PDK1: variants seen among roughly 807,000 people sequenced by gnomAD.
The protein encoded by PDK1 is [Pyruvate dehydrogenase (acetyl-transferring)] kinase isozyme 1, mitochondrial.
A neutral mutation model predicts 54.2 loss-of-function variants in PDK1; 39 were observed. The ratio of observed to expected loss-of-function variants is 0.72; its 90% CI spans 0.56 to 0.94. The LOEUF (loss-of-function observed/expected upper bound fraction) is 0.94. Ranked by LOEUF, PDK1 falls within the 40% of genes least tolerant of loss-of-function variation. PDK1 has a pLI of 0.00. For missense variants in PDK1, 552 were observed against 566.0 expected (o/e 0.98, Z 0.25); for synonymous variants, 221 against 207.1 (o/e 1.07, Z -0.58).
downstream of PDK1, among the ~76,000 whole-genome samples, chr2:172,613,386 A>G (rs1397773557): frequency 6.6e-6 from 1 of 152,236 alleles, no homozygotes; most frequent in African/African-American, 2.4e-5. Context: ...AGTACGCTCC[A>G]TGACTTTAGA....
the PDK1 span, among the ~76,000 whole-genome samples, chr2:172,705,110 A>T: frequency 6.6e-6 from 1 of 152,246 alleles, no homozygotes; most frequent in African/African-American, 2.4e-5. Flanking sequence ...GTTGTGAGTT[A>T]ATGGTTGATA....
chr2:172,694,753 CT>C, the PDK1 span, among the ~76,000 whole-genome samples: 1 of 152,148 alleles, frequency 6.6e-6, no homozygotes, highest in Admixed American at 6.5e-5. Flanking sequence ...TTTTATTAAT[CT>C]TTCTTAAATG....
upstream of PDK1, chr2:172,555,959 C>A (rs1398162217): frequency 1.5e-5 from 6 of 407,128 alleles, no homozygotes; most frequent in African/African-American, 4.2e-5. Context: ...CGCCCCTTTT[C>A]TCTCCCCGCC....
rs1016295511 is a variant in PDK1, at chr2:172,578,096, A to T, written c.945+7272A>T. Among the ~76,000 whole-genome samples, 6 of 152,156 alleles carry T rather than the reference A, an allele frequency of 3.9e-5. No individual in the cohort carries two copies. The South Asian group carries it at 1.0e-3, about 26-fold the overall frequency. On this transcript the variant is annotated intron_variant, in intron 8 of 10. Transcript: ENST00000282077. ...TTTTTGAAGGATAGTTTTGCTGGTTATAGAATTCTTGTTGATAGTCTTTTT... is the reference window on the plus strand; with the variant it reads ...TTTTTGAAGGATAGTTTTGCTGGTTTTAGAATTCTTGTTGATAGTCTTTTT...
chr2:172,719,891 A>G, the PDK1 span, among the ~76,000 whole-genome samples: 10 of 152,348 alleles, frequency 6.6e-5, no homozygotes, highest in East Asian at 1.9e-3. Flanking sequence ...ATCTCAGGAC[A>G]GTGGGTTACT....
chr2:172,668,928 G>GAGAA, the PDK1 span, among the ~76,000 whole-genome samples: 4 of 146,448 alleles, frequency 2.7e-5, no homozygotes, highest in African/African-American at 1.0e-4. Context: ...GAGAGAGAGA[G>GAGAA]AGAGAGAGAG....
the PDK1 span, among the ~76,000 whole-genome samples, chr2:172,697,741 A>G: frequency 6.6e-6 from 1 of 152,230 alleles, no homozygotes; most frequent in Admixed American, 6.5e-5. Flanking sequence ...AAATATGTGT[A>G]ATCCTTGTCT....
chr2:172,592,151 G>A (rs759207165), intron 9 of PDK1, among the ~76,000 whole-genome samples: 59 of 152,194 alleles, frequency 3.9e-4, no homozygotes, highest in Non-Finnish European at 6.8e-4. Flanking sequence ...CAGTGCTTCC[G>A]GGCTATGCCC....
At chr2:172,579,525 C>CTTT (rs10660737) in intron 8 of PDK1, among the ~76,000 whole-genome samples, 7,889 of 122,432 alleles carry the variant, frequency 0.064, 364 homozygotes, top group African/African-American at 0.096. Flanking sequence ...CCCGCTCTTT[C>CTTT]TTTTTTTTTT....
chr2:172,586,664 T>C (rs1574517399), intron 9 of PDK1, among the ~76,000 whole-genome samples: 1 of 152,180 alleles, frequency 6.6e-6, no homozygotes, highest in Non-Finnish European at 1.5e-5. Flanking sequence ...TTTTGAAATA[T>C]GGTTAACCAC....
the PDK1 span, among the ~76,000 whole-genome samples, chr2:172,681,784 A>C: frequency 3.3e-5 from 5 of 152,146 alleles, no homozygotes; most frequent in Non-Finnish European, 7.3e-5. Flanking sequence ...TTTTTTATGG[A>C]GTCTCAGTCT....
chr2:172,568,319 C>A (rs2149221661), intron 6 of PDK1, among the ~76,000 whole-genome samples: 1 of 121,134 alleles, frequency 8.3e-6, no homozygotes. Context: ...CAGAGCAAGA[C>A]TCCGTCTCAA....
chr2:172,627,412 C>T, the PDK1 span, among the ~76,000 whole-genome samples: 1 of 152,206 alleles, frequency 6.6e-6, no homozygotes, highest in Non-Finnish European at 1.5e-5. Context: ...GAATTATAAG[C>T]ATGCTTATGT....
the PDK1 span, among the ~76,000 whole-genome samples, chr2:172,712,010 A>G: frequency 2.6e-5 from 4 of 151,400 alleles, no homozygotes; most frequent in African/African-American, 7.3e-5. Context: ...AGTTACATAT[A>G]TTTACATATA....
chr2:172,673,071 TA>T, the PDK1 span, among the ~76,000 whole-genome samples: 1 of 152,138 alleles, frequency 6.6e-6, no homozygotes, highest in African/African-American at 2.4e-5. Context: ...AGCACAAGAA[TA>T]AAAGGAAGTA....
At chr2:172,721,155 G>T in the PDK1 span, among the ~76,000 whole-genome samples, 206 of 152,338 alleles carry the variant, frequency 1.4e-3, 1 homozygote, top group African/African-American at 4.6e-3. Flanking sequence ...GACAGAGCTT[G>T]TACCCTGTAT....
chr2:172,565,039 A>C lies in PDK1; in HGVS notation c.657A>C (p.Ile219=), dbSNP rs1425760777. ...SPSHRKHIGS[I]NPNCNVLEVI... is the part of the protein sequence containing the mutation. Reference sequence around the variant, plus strand: ...CTCATCGAAAACACATTGGAAGCATAAATCCAAACTGCAATGTACTTGAAG... The same window carrying C: ...CTCATCGAAAACACATTGGAAGCATCAATCCAAACTGCAATGTACTTGAAG... Residue 219 remains isoleucine (I), a synonymous_variant, in exon 5 of 11, where the codon ATA becomes ATC. Transcript: ENST00000282077. The C allele has an allele frequency of 5.0e-6, 8 of 1,609,014 alleles. No homozygotes were observed. The highest frequency in any genetic ancestry group is 6.8e-6 in the Non-Finnish European group (8 of 1,175,440).
At chr2:172,582,220 T>C (rs1000399381) in intron 8 of PDK1, among the ~76,000 whole-genome samples, 1 of 152,312 alleles carries the variant, frequency 6.6e-6, no homozygotes, top group African/African-American at 2.4e-5. Flanking sequence ...GGCCTACATG[T>C]CATTTAAATT....
At chr2:172,662,966 T>C in the PDK1 span, among the ~76,000 whole-genome samples, 1 of 152,194 alleles carries the variant, frequency 6.6e-6, no homozygotes, top group Admixed American at 6.5e-5. Flanking sequence ...GCCCAGTGCC[T>C]GATGTGGGGA....
Sources: gnomAD v4.1 joint callset for allele counts (sites outside exome capture counted in the v4.1 genomes callset) on GRCh38, gnomAD v4.1.1 for gene constraint, MANE v1.5 for transcripts, NCBI Gene and HGNC (gene_info 2026-07-23, HGNC 2026-07-21) for gene names.